Variants in RXRA observed in about 807,000 individuals in gnomAD.
RXRA encodes the protein retinoid X receptor alpha, also known as retinoic acid receptor RXR-alpha.
Under a neutral mutation model 44.5 loss-of-function variants are expected in RXRA, and 5 were observed. The observed-to-expected ratio is 0.11, with a 90% CI of 0.06 to 0.24. RXRA has a LOEUF of 0.24. Ranked by LOEUF, RXRA falls within the 10% of genes least tolerant of loss-of-function variation. RXRA has a pLI of 1.00. For missense variants in RXRA, 412 were observed against 646.5 expected (o/e 0.64, Z 3.93); for synonymous variants, 291 against 271.4 (o/e 1.07, Z -0.71).
chr9:134,410,393 C>T (rs1181679301), intron 4 of RXRA, among the ~76,000 whole-genome samples: 1 of 152,232 alleles, frequency 6.6e-6, no homozygotes, highest in Non-Finnish European at 1.5e-5. Flanking sequence ...TGCGCAGGGT[C>T]ACATGCTGGG....
At chr9:134,371,246 T>G (rs1176187322) in intron 1 of RXRA, among the ~76,000 whole-genome samples, 1 of 152,156 alleles carries the variant, frequency 6.6e-6, no homozygotes, top group African/African-American at 2.4e-5. Flanking sequence ...TTGTCTGATG[T>G]GTGGCTTTGG....
In RXRA at chr9:134,429,108, G is replaced by C; in HGVS notation, c.911G>C (p.Gly304Ala). ...LDDQVILLRA[G>A]WNELLIASFS... ...GAGTGACTGTGTGCCTCCTCCCCAGGCTGGAATGAGCTGCTCATCGCCTCC... is the reference window on the plus strand; with the variant it reads ...GAGTGACTGTGTGCCTCCTCCCCAGCCTGGAATGAGCTGCTCATCGCCTCC... The change falls in exon 7 of 10, where the codon GGC becomes GCC. Residue 304 changes from glycine to alanine, a missense_variant and splice_region_variant. Physicochemically the swap from Gly to Ala is moderately conservative, Grantham distance 60. Coordinates refer to ENST00000481739, the MANE Select transcript of RXRA (RefSeq NM_002957.6). 1 of 1,612,970 alleles carries C rather than the reference G, an allele frequency of 6.2e-7. No homozygotes were observed. The highest frequency in any genetic ancestry group is 8.5e-7 in the Non-Finnish European group (1 of 1,179,966).
At chr9:134,376,158 G>A (rs950126647) in intron 1 of RXRA, among the ~76,000 whole-genome samples, 2 of 152,178 alleles carry the variant, frequency 1.3e-5, no homozygotes, top group South Asian at 2.1e-4. Context: ...TGGTTGGGGC[G>A]GAAGAAGGCG....
rs1831486159 is a variant in RXRA, at chr9:134,429,115, T to A, written c.918T>A (p.Asn306Lys). The A allele has an allele frequency of 6.2e-7, 1 of 1,612,520 alleles. No homozygotes were observed. The highest frequency in any genetic ancestry group is 8.5e-7 in the Non-Finnish European group (1 of 1,179,688). The change falls in exon 7 of 10, where the codon AAT (asparagine) becomes AAA (lysine). Residue 306 changes from asparagine to lysine, a missense_variant. By Grantham distance (94) the Asn-to-Lys change is moderately conservative (BLOSUM62 0). Around this residue, in one of 4 missense-constraint regions of RXRA, gnomAD observed 141 missense variants for 270.8 expected, o/e 0.52. Transcript: ENST00000481739. ...TGTGTGCCTCCTCCCCAGGCTGGAA[T>A]GAGCTGCTCATCGCCTCCTTCTCCC... ...DQVILLRAGW[N>K]ELLIASFSHR... is the part of the protein sequence containing the mutation.
At chr9:134,418,726 C>G (rs1333348015) in intron 5 of RXRA, among the ~76,000 whole-genome samples, 1 of 152,208 alleles carries the variant, frequency 6.6e-6, no homozygotes, top group Admixed American at 6.5e-5. Context: ...TGGCACTGGC[C>G]ACCACAGGGT....
In RXRA at chr9:134,349,180, C is replaced by T. The variant is rs782243356; in HGVS notation, c.28+22521C>T. Reference sequence around the variant, plus strand: ...ATGAGGGCCTGCACAGAGGGTCTTGCAGAAGAAGGGTCTGGCTGGGCCTGC... The same window carrying T: ...ATGAGGGCCTGCACAGAGGGTCTTGTAGAAGAAGGGTCTGGCTGGGCCTGC... On this transcript the variant is annotated intron_variant, in intron 1 of 9. Coordinates refer to ENST00000481739, the MANE Select transcript of RXRA (RefSeq NM_002957.6). The surrounding 1 kb of genome is among the most constrained non-coding windows in gnomAD (Gnocchi z 4.3). Among the ~76,000 whole-genome samples the T allele has an allele frequency of 6.6e-6, 1 of 152,196 alleles. No homozygotes were observed. Among genetic ancestry groups the T allele is most frequent in the Non-Finnish European group, 1.5e-5 (1 of 68,036 alleles).
intron 1 of RXRA, among the ~76,000 whole-genome samples, chr9:134,398,105 A>T (rs1472569830): frequency 6.6e-6 from 1 of 151,906 alleles, no homozygotes; most frequent in Non-Finnish European, 1.5e-5. Flanking sequence ...TCAGCCTCCC[A>T]AGTAGCTGGA....
chr9:134,411,177 G>A (rs1322044437), intron 4 of RXRA, among the ~76,000 whole-genome samples: 6 of 152,188 alleles, frequency 3.9e-5, no homozygotes, highest in Admixed American at 2.6e-4. Flanking sequence ...CCCCGTCCCG[G>A]ACCCTCCAGG....
intron 5 of RXRA, among the ~76,000 whole-genome samples, chr9:134,418,655 C>T (rs545394940): frequency 6.6e-6 from 1 of 152,316 alleles, no homozygotes; most frequent in East Asian, 1.9e-4. Flanking sequence ...GTGCCCCTGC[C>T]AGGGTGGGGA....
intron 1 of RXRA, among the ~76,000 whole-genome samples, chr9:134,359,267 C>T (rs907474076): frequency 6.6e-6 from 1 of 152,142 alleles, no homozygotes; most frequent in Non-Finnish European, 1.5e-5. Context: ...TTGGGGTCCT[C>T]AGGCGTTGGC....
rs202084912 is a variant in RXRA, at chr9:134,401,642, C to T, written c.39C>T (p.Thr13=). 3.7e-6 allele frequency: 6 copies of T among 1,612,898 alleles called. No individual in the cohort carries two copies. In the Admixed American group the frequency reaches 5.0e-5, roughly 13 times the overall value. ...TKHFLPLDFS[T]QVNSSLTSPT... ...CTTCTTGTCTTGCAGATTTCTCCACCCAGGTGAACTCCTCCCTCACCTCCC... is the reference window on the plus strand; with the variant it reads ...CTTCTTGTCTTGCAGATTTCTCCACTCAGGTGAACTCCTCCCTCACCTCCC... The change falls in exon 2 of 10, where the codon ACC becomes ACT. Residue 13 remains threonine (T), a synonymous_variant. Coordinates refer to ENST00000481739, the MANE Select transcript of RXRA (RefSeq NM_002957.6).
chr9:134,438,737 G>A lies in RXRA; in HGVS notation c.*2123G>A, dbSNP rs567365601. ...TTCTGCAGCCAGCGCCCACCCATCC[G>A]TGCCCGGACCCTTGGGAATGCCCGC... On this transcript the variant is annotated 3_prime_UTR_variant, in exon 10 of 10. Coordinates refer to ENST00000481739, the MANE Select transcript of RXRA (RefSeq NM_002957.6). The A allele has an allele frequency of 1.4e-3, 221 of 153,198 alleles. No individual in the cohort carries two copies. The highest frequency in any genetic ancestry group is 2.3e-3 in the Non-Finnish European group (157 of 68,310). The allele number at this position is 153,198 out of a possible 1,614,324, so 9.5% of individuals were successfully genotyped here.
rs1409474292 is a variant in RXRA, at chr9:134,440,190, A to G, written c.*3576A>G. 6.6e-6 allele frequency: 1 copy of G among 151,434 alleles called. No homozygotes were observed. Among genetic ancestry groups the G allele is most frequent in the Non-Finnish European group, 1.5e-5 (1 of 67,926 alleles). The allele number at this position is 151,434 out of a possible 1,614,324, so 9.4% of individuals were successfully genotyped here. On this transcript the variant is annotated 3_prime_UTR_variant, in exon 10 of 10. Transcript: ENST00000481739. Reference sequence around the variant, plus strand: ...CTGGGACTGTTTCGTTTCTGCTTCTAGAGATTGAGGTGAAAGCTTCGTCCG... The same window carrying G: ...CTGGGACTGTTTCGTTTCTGCTTCTGGAGATTGAGGTGAAAGCTTCGTCCG...
chr9:134,326,582 C>A lies in RXRA; in HGVS notation c.-50C>A, dbSNP rs1489956952. ...GCCGGCCGCGCCGGGGGCCGCCGCG[C>A]CCGCCGCCCGCTGCCTGCGCCGCCG... On this transcript the variant is annotated 5_prime_UTR_variant, in exon 1 of 10. Transcript: ENST00000481739. 15 of 798,776 alleles carry A rather than the reference C, an allele frequency of 1.9e-5. No homozygotes were observed. The highest frequency in any genetic ancestry group is 6.5e-5 in the Admixed American group (1 of 15,362). The allele number at this position is 798,776 out of a possible 1,614,324, so 49.5% of individuals were successfully genotyped here. A position where few individuals can be genotyped will look rare whatever the true frequency, so the allele number is the denominator to read the frequency against.
At chr9:134,405,619 C>CAG (rs1831037677) in intron 2 of RXRA, 1 of 152,332 alleles carries the variant, frequency 6.6e-6, no homozygotes, top group Non-Finnish European at 1.5e-5. Flanking sequence ...GCAGGTGGAT[C>CAG]CCTACCCACC....
intron 1 of RXRA, among the ~76,000 whole-genome samples, chr9:134,328,267 T>G (rs1448608429): frequency 6.6e-6 from 1 of 152,168 alleles, no homozygotes; most frequent in Non-Finnish European, 1.5e-5. Context: ...CCTGGCTGGT[T>G]GCACTTCAGC....
chr9:134,391,932 T>A (rs1000886614), intron 1 of RXRA, among the ~76,000 whole-genome samples: 1 of 152,208 alleles, frequency 6.6e-6, no homozygotes, highest in Non-Finnish European at 1.5e-5. Flanking sequence ...TCACCACACT[T>A]CTGTGAGCTC....
chr9:134,358,897 C>T (rs1452627228), intron 1 of RXRA, among the ~76,000 whole-genome samples: 1 of 152,168 alleles, frequency 6.6e-6, no homozygotes, highest in Non-Finnish European at 1.5e-5. Flanking sequence ...CTGCTGGGCT[C>T]AGGGGAAGGG....
intron 1 of RXRA, among the ~76,000 whole-genome samples, chr9:134,361,403 G>A (rs1239132961): frequency 1.3e-5 from 2 of 152,156 alleles, no homozygotes; most frequent in Non-Finnish European, 1.5e-5. Flanking sequence ...CTCCTGTGGG[G>A]AGGCCCCTTC....
Sources: allele counts gnomAD v4.1 joint callset (sites outside exome capture counted in the v4.1 genomes callset), GRCh38; gene constraint gnomAD v4.1.1; regional missense constraint gnomAD v4.1.1; non-coding constraint Gnocchi (gnomAD v3.1); transcripts MANE v1.5; gene names NCBI Gene and HGNC (gene_info 2026-07-23, HGNC 2026-07-21).